SOS2: variants seen among roughly 807,000 people sequenced by gnomAD.
SOS2 encodes SOS Ras/Rho guanine nucleotide exchange factor 2.
Under a neutral mutation model 148.2 loss-of-function variants are expected in SOS2, and 65 were observed. The observed-to-expected ratio is 0.44, with a 90% CI of 0.36 to 0.54. The LOEUF is 0.54. Among genes scored for constraint, SOS2 ranks in the 20% least tolerant of loss-of-function variants. SOS2 has a pLI of 0.00. For synonymous variants in SOS2, 539 were observed against 537.1 expected (o/e 1.00, Z -0.05); for missense variants, 1,341 against 1,590.2 (o/e 0.84, Z 2.67).
At chr14:50,210,239 C>CAT (rs1555323233) in intron 1 of SOS2, among the ~76,000 whole-genome samples, 1 of 152,100 alleles carries the variant, frequency 6.6e-6, no homozygotes. Context: ...AACAAGTCCA[C>CAT]ATATATATAG....
chr14:50,131,555 T>C (rs567754243), intron 19 of SOS2, among the ~76,000 whole-genome samples: 1 of 146,892 alleles, frequency 6.8e-6, no homozygotes, highest in South Asian at 2.2e-4. Flanking sequence ...TGCTCAAACA[T>C]ATCTAGTTTG....
intron 21 of SOS2, among the ~76,000 whole-genome samples, chr14:50,126,491 G>T (rs1010527756): frequency 6.6e-6 from 1 of 151,728 alleles, no homozygotes; most frequent in Admixed American, 6.6e-5. Context: ...ATTATCTGTC[G>T]ATTAAAAATA....
At chr14:50,199,371 T>C (rs1180568231) in intron 4 of SOS2, among the ~76,000 whole-genome samples, 1 of 152,174 alleles carries the variant, frequency 6.6e-6, no homozygotes, top group Non-Finnish European at 1.5e-5. Context: ...TCAAAATTAC[T>C]TACACTTAAA....
chr14:50,205,249 A>C (rs1017009959), intron 1 of SOS2, among the ~76,000 whole-genome samples: 5 of 151,924 alleles, frequency 3.3e-5, no homozygotes, highest in Non-Finnish European at 5.9e-5. Context: ...ATGAAGTCTC[A>C]CCATGTTGCC....
chr14:50,180,790 C>T, intron 6 of SOS2, 108 bp from the exon 7 acceptor site: 1 of 602,964 alleles, frequency 1.7e-6, no homozygotes, highest in Non-Finnish European at 2.8e-6. Context: ...TTACAGTGAG[C>T]TATGATTGTG....
At chr14:50,230,055 T>C (rs576632779) in intron 1 of SOS2, among the ~76,000 whole-genome samples, 69 of 152,360 alleles carry the variant, frequency 4.5e-4, no homozygotes, top group Non-Finnish European at 6.9e-4. Context: ...TTTAAAAAGA[T>C]ACGACTTAGT....
chr14:50,212,171 A>C (rs1436086301), intron 1 of SOS2, among the ~76,000 whole-genome samples: 1 of 152,244 alleles, frequency 6.6e-6, no homozygotes, highest in Non-Finnish European at 1.5e-5. Flanking sequence ...TGAGATGGAA[A>C]AACTATTAAG....
intron 4 of SOS2, among the ~76,000 whole-genome samples, chr14:50,197,582 G>A (rs540118389): frequency 5.9e-5 from 9 of 152,130 alleles, no homozygotes; most frequent in African/African-American, 2.2e-4. Context: ...TAGAAGTTAA[G>A]GGAGGAGAGT....
intron 7 of SOS2, among the ~76,000 whole-genome samples, chr14:50,175,944 C>A (rs1885509606): frequency 6.6e-6 from 1 of 152,310 alleles, no homozygotes; most frequent in East Asian, 1.9e-4. Flanking sequence ...AAAGTGCCAC[C>A]AATTTTCCTA....
intron 12 of SOS2, 110 bp from the exon 13 acceptor site, chr14:50,153,283 T>A: frequency 1.7e-6 from 1 of 604,646 alleles, no homozygotes; most frequent in Non-Finnish European, 3.0e-6. Context: ...AACATAATAC[T>A]CAAAGACTCT....
At chr14:50,176,043 G>A (rs1202807424) in intron 7 of SOS2, among the ~76,000 whole-genome samples, 4 of 152,224 alleles carry the variant, frequency 2.6e-5, no homozygotes, top group African/African-American at 4.8e-5. Flanking sequence ...CAATGCAACA[G>A]TATTAAGAGA....
chr14:50,219,822 A>C (rs1416063320), intron 1 of SOS2, among the ~76,000 whole-genome samples: 2 of 152,128 alleles, frequency 1.3e-5, no homozygotes, highest in Non-Finnish European at 2.9e-5. Context: ...ACTCATTAAG[A>C]TCAGGAACCA....
intron 8 of SOS2, among the ~76,000 whole-genome samples, chr14:50,172,180 G>A (rs1011464609): frequency 3.3e-5 from 5 of 152,074 alleles, no homozygotes; most frequent in Admixed American, 6.6e-5. Flanking sequence ...GGTTTTAACT[G>A]CATTTCCTTG....
chr14:50,133,087 G>A (rs1883940117), intron 19 of SOS2, among the ~76,000 whole-genome samples: 1 of 151,966 alleles, frequency 6.6e-6, no homozygotes, highest in Non-Finnish European at 1.5e-5. Context: ...TTTTAGGGAT[G>A]GACAAAATGG....
chr14:50,118,086 C>A lies in SOS2; in HGVS notation c.*258G>T. The A allele has an allele frequency of 2.5e-6, 1 of 405,058 alleles. No homozygotes were observed. Among genetic ancestry groups the A allele is most frequent in the Non-Finnish European group, 4.4e-6 (1 of 227,350 alleles). The allele number at this position is 405,058 out of a possible 1,614,324, so 25.1% of individuals were successfully genotyped here. ...CCATATTTTTGCAGAGTTTACAGTGCAAATATAAATTCTTTATACTGGCCT... is the reference window on the plus strand; with the variant it reads ...CCATATTTTTGCAGAGTTTACAGTGAAAATATAAATTCTTTATACTGGCCT... On this transcript the variant is annotated 3_prime_UTR_variant, in exon 23 of 23. Transcript: ENST00000216373.
At chr14:50,146,086 T>C (rs1884459269) in intron 14 of SOS2, among the ~76,000 whole-genome samples, 1 of 142,206 alleles carries the variant, frequency 7.0e-6, no homozygotes, top group South Asian at 2.2e-4. Flanking sequence ...TGAGCCGAGA[T>C]CGCACCACTG....
chr14:50,169,339 A>AAAAC (rs71118850), intron 8 of SOS2, among the ~76,000 whole-genome samples: 133,180 of 149,772 alleles, frequency 0.89, 59,338 homozygotes, highest in African/African-American at 0.93. Flanking sequence ...ATAAAAATAA[A>AAAAC]AAACAAACAA....
chr14:50,135,388 G>A (rs575972989), intron 18 of SOS2, among the ~76,000 whole-genome samples: 43 of 151,252 alleles, frequency 2.8e-4, no homozygotes, highest in Non-Finnish European at 6.0e-4. Context: ...AGAAAATTCA[G>A]GTGATTTAGC....
chr14:50,158,177 T>C (rs531268015), intron 11 of SOS2, among the ~76,000 whole-genome samples: 8 of 152,238 alleles, frequency 5.3e-5, no homozygotes, highest in Non-Finnish European at 7.4e-5. Context: ...TTTGAAAGTT[T>C]TCATAACAAG....
Sources: allele counts gnomAD v4.1 joint callset (sites outside exome capture counted in the v4.1 genomes callset), GRCh38; gene constraint gnomAD v4.1.1; transcripts MANE v1.5; gene names NCBI Gene and HGNC (gene_info 2026-07-23, HGNC 2026-07-21).